Variants in TAF4 observed in about 807,000 individuals in gnomAD.
The protein encoded by TAF4 is transcription initiation factor TFIID subunit 4.
In TAF4, 9 loss-of-function variants were observed where a neutral mutation model predicts 90.3. The observed-to-expected ratio is 0.10, with a 90% CI of 0.06 to 0.17. The LOEUF (loss-of-function observed/expected upper bound fraction) is 0.17, where lower values mean the gene tolerates loss of function less well. Ranked by LOEUF, TAF4 falls within the 10% of genes least tolerant of loss-of-function variation. TAF4 has a pLI of 1.00. For synonymous variants in TAF4, 818 were observed against 638.9 expected (o/e 1.28, Z -4.23); for missense variants, 1,351 against 1,370.7 (o/e 0.99, Z 0.23).
At chr20:61,991,609 A>AC (rs1463808439) in intron 14 of TAF4, among the ~76,000 whole-genome samples, 1 of 152,076 alleles carries the variant, frequency 6.6e-6, no homozygotes, top group Non-Finnish European at 1.5e-5. Flanking sequence ...AAACCAAAAA[A>AC]CAAAAAAAAA....
intron 1 of TAF4, among the ~76,000 whole-genome samples, chr20:62,051,860 G>C (rs1287808139): frequency 6.6e-6 from 1 of 152,144 alleles, no homozygotes; most frequent in Non-Finnish European, 1.5e-5. Flanking sequence ...ATGACAAACA[G>C]ATCCACCCGT....
At chr20:61,997,444 G>A in intron 14 of TAF4, 106 bp downstream of exon 14, 1 of 1,299,858 alleles carries the variant, frequency 7.7e-7, no homozygotes, top group Non-Finnish European at 1.0e-6. Flanking sequence ...AAATGTAAAT[G>A]GTAAGAAAGC....
At chr20:62,036,826 C>T (rs541472293) in intron 1 of TAF4, among the ~76,000 whole-genome samples, 1 of 152,328 alleles carries the variant, frequency 6.6e-6, no homozygotes, top group South Asian at 2.1e-4. Context: ...TGCTGAAACC[C>T]AATCCCCAAG....
chr20:62,065,588 G>C lies in TAF4; in HGVS notation c.223C>G (p.Pro75Ala), dbSNP rs1259961111. The change falls in exon 1 of 15, where the codon CCG (proline) becomes GCG (alanine). Residue 75 changes from proline (P) to alanine (A), a missense_variant. Pro to Ala is a conservative substitution (Grantham distance 27). This residue lies in a region of TAF4 where 782 missense variants were observed against 536.6 expected (regional missense o/e 1.46). Coordinates refer to ENST00000252996, the MANE Select transcript of TAF4 (RefSeq NM_003185.4). Reference protein sequence around the residue: ...GSPAGAAGAGPAAPAEGAPGA... With the variant: ...GSPAGAAGAGAAAPAEGAPGA... ...GGCGCGCCCTCGGCGGGGGCGGCCG[G>C]CCCTGCGCCCGCGGCTCCGGCCGGG... The C allele has an allele frequency of 3.1e-6, 3 of 983,198 alleles. No individual in the cohort carries two copies. The highest frequency in any genetic ancestry group is 3.6e-6 in the Non-Finnish European group (3 of 830,654). The allele number at this position is 983,198 out of a possible 1,614,324, so 60.9% of individuals were successfully genotyped here.
chr20:62,017,626 G>A (rs1014179053), intron 1 of TAF4, among the ~76,000 whole-genome samples: 4 of 152,136 alleles, frequency 2.6e-5, no homozygotes, highest in African/African-American at 7.2e-5. Context: ...CAGTCTAGGC[G>A]ACAGAGCGAG....
At chr20:61,982,343 C>A (rs188461272) in intron 14 of TAF4, among the ~76,000 whole-genome samples, 13 of 134,494 alleles carry the variant, frequency 9.7e-5, no homozygotes, top group East Asian at 2.2e-4. Flanking sequence ...AACCCACACC[C>A]ACCCTAGAGG....
At chr20:61,984,851 T>C (rs905756022) in intron 14 of TAF4, among the ~76,000 whole-genome samples, 7 of 130,646 alleles carry the variant, frequency 5.4e-5, no homozygotes, top group African/African-American at 1.5e-4. Context: ...GATGCAAAAA[T>C]GGAGGGACGG....
intron 10 of TAF4, 54 bp downstream of exon 10, chr20:62,000,498 T>C: frequency 6.3e-7 from 1 of 1,576,160 alleles, no homozygotes; most frequent in African/African-American, 1.4e-5. Context: ...GAAGCTCCCA[T>C]GCCCCAGCAG....
chr20:62,065,420 C>T lies in TAF4; in HGVS notation c.391G>A (p.Glu131Lys), dbSNP rs1337789417. Residue 131 changes from glutamate (E) to lysine (K), a missense_variant, in exon 1 of 15, where the codon GAG becomes AAG. This residue lies in a region of TAF4 where 782 missense variants were observed against 536.6 expected (regional missense o/e 1.46). Transcript: ENST00000252996. Reference protein sequence around the residue: ...PPAAKLRPPPEGSAGSCAPVP... With the variant: ...PPAAKLRPPPKGSAGSCAPVP... Reference sequence around the variant, plus strand: ...GGGGCGCAGGACCCCGCGCTGCCCTCGGGCGGCGGCCTCAGCTTCGCGGCG... The same window carrying T: ...GGGGCGCAGGACCCCGCGCTGCCCTTGGGCGGCGGCCTCAGCTTCGCGGCG... The T allele has an allele frequency of 2.1e-6, 2 of 971,646 alleles. No individual in the cohort carries two copies. The highest frequency in any genetic ancestry group is 2.4e-6 in the Non-Finnish European group (2 of 823,418). 60.2% of individuals were successfully genotyped at this position (971,646 alleles called of 1,614,324 possible). A position where few individuals can be genotyped will look rare whatever the true frequency, so the allele number is the denominator to read the frequency against.
intron 1 of TAF4, among the ~76,000 whole-genome samples, chr20:62,063,747 A>G (rs1568946279): frequency 6.6e-6 from 1 of 152,230 alleles, no homozygotes; most frequent in Non-Finnish European, 1.5e-5. Flanking sequence ...TGGAAGAGAC[A>G]GTGACACACA....
intron 14 of TAF4, among the ~76,000 whole-genome samples, chr20:61,984,365 C>A (rs995777352): frequency 6.6e-6 from 1 of 152,226 alleles, no homozygotes; most frequent in Non-Finnish European, 1.5e-5. Context: ...ACGCACCAAC[C>A]CCTCAATTCA....
intron 1 of TAF4, among the ~76,000 whole-genome samples, chr20:62,028,455 A>G (rs2055886189): frequency 6.6e-6 from 1 of 152,160 alleles, no homozygotes; most frequent in Non-Finnish European, 1.5e-5. Context: ...ACAGGACATG[A>G]AACCCACGTA....
intron 6 of TAF4, 25 bp downstream of exon 6, chr20:62,007,522 C>A (rs2055754167): frequency 1.2e-6 from 2 of 1,611,642 alleles, no homozygotes; most frequent in Non-Finnish European, 1.7e-6. Flanking sequence ...CTACTGCTCG[C>A]AGGCACCGGG....
intron 1 of TAF4, among the ~76,000 whole-genome samples, chr20:62,052,985 A>C (rs991943676): frequency 6.6e-5 from 10 of 151,686 alleles, no homozygotes; most frequent in African/African-American, 2.2e-4. Flanking sequence ...GCCACCCCCC[A>C]CAACACCAGG....
At chr20:62,043,305 C>G (rs1366328248) in intron 1 of TAF4, among the ~76,000 whole-genome samples, 1 of 152,086 alleles carries the variant, frequency 6.6e-6, no homozygotes, top group Non-Finnish European at 1.5e-5. Context: ...GGTGACAGAG[C>G]TTACAGAATA....
chr20:62,065,003 GGGCGGC>G lies in TAF4; in HGVS notation c.802_807del (p.Ala268_Ala269del), dbSNP rs1238027410. ...GCGGGCGCGGGGGGTGGCGGGGGCG[GGGCGGC>G]GGCGGGGGCGGCGGGCGCGGGGGCG... On this transcript the variant is annotated inframe_deletion, in exon 1 of 15. Coordinates refer to ENST00000252996, the MANE Select transcript of TAF4 (RefSeq NM_003185.4). 3.6e-5 allele frequency: 10 copies of G among 275,856 alleles called. No homozygotes were observed. The highest frequency in any genetic ancestry group is 1.4e-4 in the South Asian group (1 of 6,922). The allele number at this position is 275,856 out of a possible 1,614,324, so 17.1% of individuals were successfully genotyped here.
intron 1 of TAF4, among the ~76,000 whole-genome samples, chr20:62,021,664 T>A (rs1017017530): frequency 1.3e-5 from 2 of 152,196 alleles, no homozygotes; most frequent in Non-Finnish European, 2.9e-5. Flanking sequence ...GGCAGGGCCA[T>A]GTGGATACAC....
intron 1 of TAF4, among the ~76,000 whole-genome samples, chr20:62,025,622 T>A (rs1226352530): frequency 6.6e-6 from 1 of 152,204 alleles, no homozygotes. Context: ...CCTGCCGCCA[T>A]GTGAAGAAGG....
At chr20:61,982,199 ACC>A (rs1465617166) in intron 14 of TAF4, among the ~76,000 whole-genome samples, 1 of 89,380 alleles carries the variant, frequency 1.1e-5, no homozygotes, top group African/African-American at 4.6e-5. Context: ...CCCACACCCC[ACC>A]CGAGAGGAGA....
Sources: gnomAD v4.1 joint callset for allele counts (sites outside exome capture counted in the v4.1 genomes callset) on GRCh38, gnomAD v4.1.1 for gene constraint, gnomAD v4.1.1 regional missense constraint, MANE v1.5 for transcripts, NCBI Gene and HGNC (gene_info 2026-07-23, HGNC 2026-07-21) for gene names.